DNAAF4: variants seen among roughly 807,000 people sequenced by gnomAD.
DNAAF4 encodes dynein assembly factor 4, axonemal.
In DNAAF4, 43 loss-of-function variants were observed where a neutral mutation model predicts 51.8. That is an observed-to-expected ratio of 0.83 (90% CI 0.65 to 1.07). The LOEUF (loss-of-function observed/expected upper bound fraction) is 1.07. Among genes scored for constraint, DNAAF4 ranks in the 50% least tolerant of loss-of-function variants. The pLI, the probability that DNAAF4 is intolerant of heterozygous loss-of-function variation, is 0.00. For missense variants in DNAAF4, 581 were observed against 493.0 expected (o/e 1.18, Z -1.69); for synonymous variants, 194 against 165.6 (o/e 1.17, Z -1.32).
intron 5 of DNAAF4, among the ~76,000 whole-genome samples, chr15:55,463,172 TCACACACACACA>T (rs3221985): frequency 5.7e-5 from 8 of 140,388 alleles, no homozygotes; most frequent in South Asian, 2.3e-4. Flanking sequence ...AGACTCTGTC[TCACACACACACA>T]CACACACACA....
At chr15:55,452,385 C>T (rs1383874431) in intron 5 of DNAAF4, among the ~76,000 whole-genome samples, 1 of 150,290 alleles carries the variant, frequency 6.7e-6, no homozygotes, top group Admixed American at 6.7e-5. Flanking sequence ...TGCAGGAAAT[C>T]ATCACTATTA....
chr15:55,471,083 G>C (rs902399528), intron 4 of DNAAF4, among the ~76,000 whole-genome samples: 10 of 150,806 alleles, frequency 6.6e-5, no homozygotes, highest in African/African-American at 2.4e-4. Context: ...CTGGTCTTGA[G>C]CTCCTGGGCT....
chr15:55,451,162 G>C (rs532945491), intron 5 of DNAAF4, among the ~76,000 whole-genome samples: 1 of 152,324 alleles, frequency 6.6e-6, no homozygotes, highest in South Asian at 2.1e-4. Flanking sequence ...TGGGGCAAGG[G>C]GGGAAGGAGC....
exon 8 of DNAAF4, chr15:55,417,994 G>C: frequency 2.6e-6 from 2 of 778,160 alleles, no homozygotes; most frequent in East Asian, 5.5e-5. Flanking sequence ...GTTAAGGCAG[G>C]AACCGGCCAT....
At position 55,497,754 on chromosome 15, in the gene DNAAF4, T is replaced by A; in HGVS notation, c.229A>T (p.Lys77Ter). 1 of 1,613,780 alleles carries A rather than the reference T, an allele frequency of 6.2e-7. No individual in the cohort carries two copies. ...GNDTIVFTLY[K>*]KEAAMWETLS... The stretch of plus-strand genomic sequence containing the variant: ...GTCTCCCACATGGCCGCTTCTTTTT[T>A]ATACAAGGTGAAGACAATGGTGTCA... The change falls in exon 3 of 10, where the codon AAA becomes TAA. Residue 77 changes from lysine (K) to a stop codon, truncating the protein, a stop_gained. Coordinates refer to ENST00000321149, the MANE Select transcript of DNAAF4 (RefSeq NM_130810.4). LOFTEE classifies it high-confidence loss of function.
At chr15:55,495,204 T>TAAAAAAAAAAAAAAAAAAAA (rs35527257) in intron 3 of DNAAF4, 1 of 72,524 alleles carries the variant, frequency 1.4e-5, no homozygotes, top group Non-Finnish European at 2.9e-5. Context: ...TGGGGCTCAC[T>TAAAAAAAAAAAAAAAAAAAA]AAAAAAAAAA....
intron 7 of DNAAF4, among the ~76,000 whole-genome samples, chr15:55,424,854 CCCGGCTGTA>C (rs1454252300): frequency 2.0e-5 from 3 of 151,890 alleles, no homozygotes; most frequent in Admixed American, 1.3e-4. Flanking sequence ...AGACCCCGTG[CCCGGCTGTA>C]CCTTGCTTTT....
intron 1 of DNAAF4, among the ~76,000 whole-genome samples, chr15:55,499,410 G>A (rs2058681247): frequency 1.3e-5 from 2 of 152,124 alleles, no homozygotes; most frequent in African/African-American, 2.4e-5. Flanking sequence ...TGGGAACCTG[G>A]GCAGAAACTT....
rs2141554231 is a variant in DNAAF4 at position 55,480,615 on chromosome 15, C to A, written c.405+10508G>T. Among the ~76,000 whole-genome samples the A allele has an allele frequency of 2.0e-5, 3 of 152,032 alleles. No individual in the cohort carries two copies. The South Asian group carries it at 6.3e-4, about 32-fold the overall frequency. On this transcript the variant is annotated intron_variant, in intron 4 of 9. Coordinates refer to ENST00000321149, the MANE Select transcript of DNAAF4 (RefSeq NM_130810.4). ...CAGTCTCTCATTATACCTTTAACTG[C>A]AACCATCAGGCACAAACAAGCCACC...
At position 55,450,313 on chromosome 15, in the gene DNAAF4, G is replaced by A. The variant is rs759187771; in HGVS notation, c.692C>T (p.Ala231Val). The part of the protein sequence containing the change: ...TEKLKEDSIP[A>V]PRSVGSIKIN... ...TTTAATACTGCCAACAGAGCGAGGAGCAGGAATACTGTCTTCCTTTAACTT... is the reference window on the plus strand; with the variant it reads ...TTTAATACTGCCAACAGAGCGAGGAACAGGAATACTGTCTTCCTTTAACTT... The change falls in exon 6 of 10, where the codon GCT becomes GTT. Residue 231 changes from alanine to valine, a missense_variant. Coordinates refer to ENST00000321149, the MANE Select transcript of DNAAF4 (RefSeq NM_130810.4). 2.5e-6 allele frequency: 4 copies of A among 1,613,950 alleles called. No individual in the cohort carries two copies. Among genetic ancestry groups the A allele is most frequent in the Non-Finnish European group, 3.4e-6 (4 of 1,179,986 alleles).
At position 55,430,475 on chromosome 15, in the gene DNAAF4, CTTAT is replaced by C. The variant is rs553786322; in HGVS notation, c.*191_*194del. ...AAGAAATAAGGAATTAAAATAGATTCTTATTTAGATTTACTTATTCAGAAATGAT... is the reference window on the plus strand; with the variant it reads ...AAGAAATAAGGAATTAAAATAGATTCTTAGATTTACTTATTCAGAAATGAT... On this transcript the variant is annotated 3_prime_UTR_variant, in exon 10 of 10. Coordinates refer to ENST00000321149, the MANE Select transcript of DNAAF4 (RefSeq NM_130810.4). The C allele has an allele frequency of 4.6e-3, 5,034 of 1,104,956 alleles. 20 individuals are homozygous for C. Among genetic ancestry groups the C allele is most frequent in the Non-Finnish European group, 5.3e-3 (4,672 of 887,034 alleles). The allele number at this position is 1,104,956 out of a possible 1,614,324, so 68.4% of individuals were successfully genotyped here.
At chr15:55,452,244 T>TAAAAAAAAAAAAAA (rs57692277) in intron 5 of DNAAF4, among the ~76,000 whole-genome samples, 2 of 53,620 alleles carry the variant, frequency 3.7e-5, no homozygotes, top group African/African-American at 7.9e-5. Context: ...CATGTCTCAC[T>TAAAAAAAAAAAAAA]AAAAAAAAAA....
chr15:55,491,928 C>T (rs1207260118), intron 3 of DNAAF4, among the ~76,000 whole-genome samples: 1 of 150,940 alleles, frequency 6.6e-6, no homozygotes, highest in Non-Finnish European at 1.5e-5. Context: ...GCAATCACAG[C>T]TTAATGTAAC....
chr15:55,498,613 AGC>A, intron 1 of DNAAF4, 29 bp from the exon 2 acceptor site: 1 of 275,296 alleles, frequency 3.6e-6, no homozygotes, highest in African/African-American at 2.3e-5. Flanking sequence ...AAAAAAAAAA[AGC>A]ACTCTGTGGG....
chr15:55,431,844 T>C (rs2057500887), intron 9 of DNAAF4, among the ~76,000 whole-genome samples: 1 of 152,026 alleles, frequency 6.6e-6, no homozygotes, highest in Non-Finnish European at 1.5e-5. Flanking sequence ...CTCAAACTCC[T>C]GGCCTCAAGC....
intron 6 of DNAAF4, among the ~76,000 whole-genome samples, chr15:55,446,536 TGGCCG>T (rs2057821613): frequency 9.4e-6 from 1 of 105,836 alleles, no homozygotes. Flanking sequence ...CCAGACCGGG[TGGCCG>T]GGCAGAGGCG....
At chr15:55,442,844 C>A in intron 6 of DNAAF4, 1 of 1,612,820 alleles carries the variant, frequency 6.2e-7, no homozygotes, top group Non-Finnish European at 8.5e-7. Flanking sequence ...ATTCCCCCAG[C>A]CATCATTGCA....
At chr15:55,453,168 A>C (rs1015161326) in intron 5 of DNAAF4, among the ~76,000 whole-genome samples, 3 of 152,190 alleles carry the variant, frequency 2.0e-5, no homozygotes. Context: ...ATCTCTGCTC[A>C]CTAATCTTAG....
chr15:55,482,253 A>G (rs1380784397), intron 4 of DNAAF4, among the ~76,000 whole-genome samples: 1 of 150,682 alleles, frequency 6.6e-6, no homozygotes, highest in Non-Finnish European at 1.5e-5. Context: ...GAATCATCAT[A>G]CATTGTTGGT....
Sources: allele counts gnomAD v4.1 joint callset (sites outside exome capture counted in the v4.1 genomes callset), GRCh38; gene constraint gnomAD v4.1.1; transcripts MANE v1.5; gene names NCBI Gene and HGNC (gene_info 2026-07-23, HGNC 2026-07-21).